LGI2: variants seen among roughly 807,000 people sequenced by gnomAD.
LGI2 encodes the protein leucine-rich repeat LGI family member 2.
A neutral mutation model predicts 52.0 loss-of-function variants in LGI2; 30 were observed. That is an observed-to-expected ratio of 0.58 (90% confidence interval 0.43 to 0.78). The LOEUF (loss-of-function observed/expected upper bound fraction) is 0.78. Among genes scored for constraint, LGI2 ranks in the 30% least tolerant of loss-of-function variants. LGI2 has a pLI of 0.00. For missense variants in LGI2, 573 were observed against 692.5 expected (o/e 0.83, Z 1.94); for synonymous variants, 270 against 271.8 (o/e 0.99, Z 0.06).
chr4:25,018,231 G>A (rs1011984607), intron 5 of LGI2, 73 bp from the exon 6 acceptor site: 21 of 1,058,518 alleles, frequency 2.0e-5, no homozygotes, highest in African/African-American at 8.0e-5. Flanking sequence ...GTAGTAACAC[G>A]AAACTCCAGA....
chr4:25,018,827 A>C (rs1577556389), intron 5 of LGI2, among the ~76,000 whole-genome samples: 1 of 151,534 alleles, frequency 6.6e-6, no homozygotes, highest in South Asian at 2.1e-4. Context: ...ATACCATTTC[A>C]CTCTAGCCTG....
chr4:25,007,560 G>A (rs981279754), intron 7 of LGI2, among the ~76,000 whole-genome samples: 1 of 150,702 alleles, frequency 6.6e-6, no homozygotes, highest in African/African-American at 2.5e-5. Flanking sequence ...CCATGGAGTT[G>A]TCAGTAGCAG....
In LGI2 at chr4:24,999,781, G is replaced by A. The variant is rs1024348473; in HGVS notation, c.*3670C>T. On this transcript the variant is annotated 3_prime_UTR_variant, in exon 8 of 8. Coordinates refer to ENST00000382114, the MANE Select transcript of LGI2 (RefSeq NM_018176.4). ...AATACACAGACTCTCACTCCATGGG[G>A]AAGAAAAAATGCAACTCTGCCATTT... 3 of 455,686 alleles carry A rather than the reference G, an allele frequency of 6.6e-6. No homozygotes were observed. Among genetic ancestry groups the A allele is most frequent in the Non-Finnish European group, 1.3e-5 (3 of 226,812 alleles). The allele number at this position is 455,686 out of a possible 1,614,324, so 28.2% of individuals were successfully genotyped here.
intron 1 of LGI2, among the ~76,000 whole-genome samples, chr4:25,029,881 G>A (rs980420079): frequency 1.3e-5 from 2 of 152,192 alleles, no homozygotes; most frequent in African/African-American, 4.8e-5. Flanking sequence ...TAGGCCACGG[G>A]GGGCGGCCCC....
chr4:25,005,216 A>G (rs1191736967), intron 7 of LGI2, among the ~76,000 whole-genome samples: 1 of 152,238 alleles, frequency 6.6e-6, no homozygotes, highest in Non-Finnish European at 1.5e-5. Context: ...CGTTAGTTGT[A>G]CAACACTGTG....
At chr4:25,014,714 C>T (rs1355377935) in intron 6 of LGI2, among the ~76,000 whole-genome samples, 1 of 151,402 alleles carries the variant, frequency 6.6e-6, no homozygotes, top group African/African-American at 2.4e-5. Context: ...GCCTGTAGTC[C>T]CAGCTGCTCT....
At chr4:25,017,885 A>G in intron 6 of LGI2, 104 bp downstream of exon 6, 1 of 989,116 alleles carries the variant, frequency 1.0e-6, no homozygotes. Flanking sequence ...CAATTTTGAT[A>G]AACAGTTCTA....
intron 6 of LGI2, among the ~76,000 whole-genome samples, chr4:25,015,264 T>G (rs963635050): frequency 2.6e-5 from 4 of 152,236 alleles, no homozygotes; most frequent in Middle Eastern, 3.2e-3. Context: ...CTGTGCATTT[T>G]CATCAGCCCT....
intron 4 of LGI2, among the ~76,000 whole-genome samples, chr4:25,021,322 C>T (rs1344071464): frequency 1.3e-5 from 2 of 152,176 alleles, no homozygotes; most frequent in African/African-American, 2.4e-5. Context: ...CTGCTGGAAA[C>T]AAATGTTCTA....
At chr4:25,022,371 G>A (rs1387745290) in intron 4 of LGI2, among the ~76,000 whole-genome samples, 1 of 152,208 alleles carries the variant, frequency 6.6e-6, no homozygotes, top group African/African-American at 2.4e-5. Context: ...AGTGGGATGG[G>A]GTGGGGGAGC....
In LGI2 at chr4:25,024,008, A is replaced by G. The variant is rs192868520; in HGVS notation, c.413+812T>C. On this transcript the variant is annotated intron_variant, in intron 4 of 7. Transcript: ENST00000382114. ...CCACAGATTAATCCAATATAAAACA[A>G]AAAGTGATTTGCATTCAAATGAGAG... 3.5e-4 allele frequency among the ~76,000 whole-genome samples: 53 copies of G among 152,372 alleles called. No homozygotes were observed. In the East Asian group the frequency reaches 8.9e-3, roughly 25 times the overall value.
chr4:25,023,320 C>A (rs768669541), intron 4 of LGI2, among the ~76,000 whole-genome samples: 18 of 152,164 alleles, frequency 1.2e-4, no homozygotes, highest in Non-Finnish European at 2.2e-4. Context: ...CAATTGTAGT[C>A]TCTACAGGAA....
In LGI2 at chr4:25,003,396, GTCC is replaced by G; in HGVS notation, c.*52_*54del. Reference sequence around the variant, plus strand: ...TTGATTTGTTTGTTGATTTTTCTTGGTCCTCTTTTGTGAGAGCTAATGCTACAT... The same window carrying G: ...TTGATTTGTTTGTTGATTTTTCTTGGTCTTTTGTGAGAGCTAATGCTACAT... On this transcript the variant is annotated 3_prime_UTR_variant, in exon 8 of 8. Coordinates refer to ENST00000382114, the MANE Select transcript of LGI2 (RefSeq NM_018176.4). 1 of 1,239,834 alleles carries G rather than the reference GTCC, an allele frequency of 8.1e-7. No homozygotes were observed. The highest frequency in any genetic ancestry group is 1.5e-5 in the South Asian group (1 of 64,886). The allele number at this position is 1,239,834 out of a possible 1,614,324, so 76.8% of individuals were successfully genotyped here.
chr4:25,014,153 G>A (rs796345909), intron 6 of LGI2, among the ~76,000 whole-genome samples: 7 of 152,120 alleles, frequency 4.6e-5, no homozygotes, highest in South Asian at 2.1e-4. Flanking sequence ...CTCCCGTGAC[G>A]CCCATAACTC....
chr4:24,993,792 G>A, the LGI2 span, among the ~76,000 whole-genome samples: 187 of 152,272 alleles, frequency 1.2e-3, no homozygotes, highest in African/African-American at 4.4e-3. Context: ...CCTACCATCG[G>A]AGGGTTTTAC....
At position 25,003,992 on chromosome 4, in the gene LGI2, G is replaced by A. The variant is rs370642996; in HGVS notation, c.1097C>T (p.Ser366Leu). Residue 366 changes from serine to leucine, a missense_variant, in exon 8 of 8, where the codon TCA becomes TTA. Coordinates refer to ENST00000382114, the MANE Select transcript of LGI2 (RefSeq NM_018176.4). ...WNSKGFYSYQ[S>L]LHEWFRDTDA... ...CGTGTCCCTGAACCACTCGTGCAGT[G>A]ACTGGTAAGAATAGAATCCTTTGCT... The A allele has an allele frequency of 4.8e-5, 77 of 1,614,070 alleles. No individual in the cohort carries two copies. The Middle Eastern group carries it at 8.2e-4, about 17-fold the overall frequency.
At chr4:24,997,881 A>G (rs1188770388), downstream of LGI2, among the ~76,000 whole-genome samples, 1 of 147,378 alleles carries the variant, frequency 6.8e-6, no homozygotes, top group Non-Finnish European at 1.5e-5. Context: ...GTGATGCAGA[A>G]CATTTTTTTT....
At chr4:25,023,227 C>T (rs956574372) in intron 4 of LGI2, among the ~76,000 whole-genome samples, 1 of 152,138 alleles carries the variant, frequency 6.6e-6, no homozygotes, top group African/African-American at 2.4e-5. Context: ...GGAAATTGAT[C>T]TTAGACAGTT....
rs1725159928 is a variant in LGI2 at position 24,999,016 on chromosome 4, C to T, written c.*4435G>A. ...TGCTTCTTTACACATAGAAACTATT[C>T]TTATTTTACCTAGGTTATGCACTTA... On this transcript the variant is annotated 3_prime_UTR_variant, in exon 8 of 8. Coordinates refer to ENST00000382114, the MANE Select transcript of LGI2 (RefSeq NM_018176.4). 6.6e-6 allele frequency: 1 copy of T among 152,188 alleles called. No individual in the cohort carries two copies. Among genetic ancestry groups the T allele is most frequent in the Non-Finnish European group, 1.5e-5 (1 of 68,024 alleles). 9.4% of individuals were successfully genotyped at this position (152,188 alleles called of 1,614,324 possible).
Sources: gnomAD v4.1 joint callset for allele counts (sites outside exome capture counted in the v4.1 genomes callset) on GRCh38, gnomAD v4.1.1 for gene constraint, MANE v1.5 for transcripts, NCBI Gene and HGNC (gene_info 2026-07-23, HGNC 2026-07-21) for gene names.